ITGA4: variants seen among roughly 807,000 people sequenced by gnomAD.
ITGA4 encodes the protein integrin alpha-4.
A neutral mutation model predicts 133.6 loss-of-function variants in ITGA4; 63 were observed. The ratio of observed to expected loss-of-function variants is 0.47; its 90% CI spans 0.38 to 0.58. The LOEUF is 0.58. Ranked by LOEUF, ITGA4 falls within the 20% of genes least tolerant of loss-of-function variation. The pLI is 0.00. For synonymous variants in ITGA4, 483 were observed against 438.0 expected (o/e 1.10, Z -1.28); for missense variants, 1,076 against 1,252.7 (o/e 0.86, Z 2.13).
chr2:181,503,536 C>T (rs1177054561), intron 15 of ITGA4, among the ~76,000 whole-genome samples: 3 of 138,700 alleles, frequency 2.2e-5, no homozygotes, highest in Non-Finnish European at 4.6e-5. Flanking sequence ...ATTTGTTCCT[C>T]ATAAAATAAG....
Position 181,514,616 on chromosome 2 carries a change from G to A in ITGA4, c.1922+2841G>A, listed in dbSNP as rs529671926. ...TCTTCCTAAACCGCTTAATTATCTT[G>A]GTGTTTTTACCCTCATGGGCCTTTG... On this transcript the variant is annotated intron_variant, in intron 17 of 27. Coordinates refer to ENST00000397033, the MANE Select transcript of ITGA4 (RefSeq NM_000885.6). 2.1e-5 allele frequency among the ~76,000 whole-genome samples: 3 copies of A among 140,780 alleles called. No individual in the cohort carries two copies. The South Asian group carries it at 6.4e-4, about 30-fold the overall frequency. 92.4% of individuals were successfully genotyped at this position (140,780 alleles called of 152,430 possible).
At position 181,498,767 on chromosome 2, in the gene ITGA4, C is replaced by G; in HGVS notation, c.1685C>G (p.Ala562Gly). The G allele has an allele frequency of 1.9e-6, 3 of 1,597,016 alleles. No individual in the cohort carries two copies. The highest frequency in any genetic ancestry group is 2.6e-6 in the Non-Finnish European group (3 of 1,172,892). ...SREANCRTHQAFMRKDVRDIL... is the reference protein window; with the variant it reads ...SREANCRTHQGFMRKDVRDIL... The stretch of plus-strand genomic sequence containing the variant: ...GAAGCTAACTGTAGAACACATCAAG[C>G]ATTTATGCGGGTAATGTAAGCTATT... The change falls in exon 15 of 28, where the codon GCA (alanine) becomes GGA (glycine). Residue 562 changes from alanine (A) to glycine (G), a missense_variant. By Grantham distance (60) the Ala-to-Gly change is moderately conservative. This residue lies in a region of ITGA4 where 365 missense variants were observed against 421.4 expected (regional missense o/e 0.87). Coordinates refer to ENST00000397033, the MANE Select transcript of ITGA4 (RefSeq NM_000885.6).
chr2:181,527,681 T>A (rs1039880653), intron 22 of ITGA4, among the ~76,000 whole-genome samples: 2 of 152,040 alleles, frequency 1.3e-5, no homozygotes, highest in Admixed American at 1.3e-4. Context: ...CTGAATTTGC[T>A]AGAGACACAT....
chr2:181,482,651 G>A lies in ITGA4; in HGVS notation c.1041G>A (p.Ser347=), dbSNP rs202219721. ...TGTTTGTGTACATCAACTCTGGCTC[G>A]GTATGTCCAAGTGCCCCAACTGGAA... ...GRVFVYINSG[S]GAVMNAMETN... Residue 347 remains serine, a splice_region_variant and synonymous_variant, in exon 9 of 28, where the codon TCG becomes TCA. Coordinates refer to ENST00000397033, the MANE Select transcript of ITGA4 (RefSeq NM_000885.6). 1.2e-5 allele frequency: 20 copies of A among 1,612,890 alleles called. No individual in the cohort carries two copies. The highest frequency in any genetic ancestry group is 3.3e-4 in the Middle Eastern group (2 of 6,074).
chr2:181,527,504 G>C, intron 22 of ITGA4, 117 bp downstream of exon 22: 1 of 670,120 alleles, frequency 1.5e-6, no homozygotes, highest in Non-Finnish European at 2.7e-6. Flanking sequence ...ACCACAGCTG[G>C]CTGGAATGGG....
chr2:181,498,481 T>C, intron 14 of ITGA4, 142 bp from the exon 15 acceptor site: 1 of 442,230 alleles, frequency 2.3e-6, no homozygotes, highest in South Asian at 7.2e-5. Flanking sequence ...TATTTCAGGT[T>C]AGTCTTTAAA....
intron 2 of ITGA4, among the ~76,000 whole-genome samples, chr2:181,460,732 T>A (rs1390574687): frequency 2.0e-5 from 3 of 152,200 alleles, no homozygotes; most frequent in African/African-American, 7.2e-5. Context: ...TATTGTTTAC[T>A]TAAATCTATT....
intron 2 of ITGA4, among the ~76,000 whole-genome samples, chr2:181,461,546 C>T (rs1476667137): frequency 3.3e-5 from 5 of 151,978 alleles, no homozygotes; most frequent in Admixed American, 3.3e-4. Flanking sequence ...TTAATCACAG[C>T]TGGTTCCTAA....
chr2:181,469,713 C>T (rs1047405389), intron 2 of ITGA4, among the ~76,000 whole-genome samples: 2 of 152,152 alleles, frequency 1.3e-5, no homozygotes, highest in African/African-American at 4.8e-5. Context: ...GGCACATATA[C>T]ACCATGAAAT....
intron 17 of ITGA4, among the ~76,000 whole-genome samples, 186 bp downstream of exon 17, chr2:181,511,961 A>G (rs1484014770): frequency 6.6e-6 from 1 of 152,128 alleles, no homozygotes; most frequent in Non-Finnish European, 1.5e-5. Flanking sequence ...AGACTGATAT[A>G]TAATCCAAGT....
chr2:181,498,525 T>G, intron 14 of ITGA4, 98 bp from the exon 15 acceptor site: 1 of 598,456 alleles, frequency 1.7e-6, no homozygotes, highest in South Asian at 3.8e-5. Context: ...CAGATATTAT[T>G]TCCAGTAGTC....
At chr2:181,485,569 G>C (rs1685896323) in intron 9 of ITGA4, among the ~76,000 whole-genome samples, 1 of 152,138 alleles carries the variant, frequency 6.6e-6, no homozygotes, top group African/African-American at 2.4e-5. Context: ...TGCACAGTGT[G>C]TTGTCTTTAG....
At chr2:181,463,847 A>G (rs1685348291) in intron 2 of ITGA4, among the ~76,000 whole-genome samples, 2 of 152,144 alleles carry the variant, frequency 1.3e-5, no homozygotes, top group Admixed American at 1.3e-4. Flanking sequence ...TCTGGGGTAA[A>G]TAGATCAAAT....
chr2:181,489,927 T>C (rs745488214), intron 10 of ITGA4, among the ~76,000 whole-genome samples: 4 of 152,092 alleles, frequency 2.6e-5, no homozygotes, highest in Non-Finnish European at 5.9e-5. Context: ...TCGGCAAGAC[T>C]CCTGTCTCAA....
At position 181,538,192 on chromosome 2, in the gene ITGA4, G is replaced by GAATC. The variant is rs1559065841; in HGVS notation, c.*2667_*2670dup. On this transcript the variant is annotated 3_prime_UTR_variant, in exon 28 of 28. Coordinates refer to ENST00000397033, the MANE Select transcript of ITGA4 (RefSeq NM_000885.6). Reference sequence around the variant, plus strand: ...TTAGAAACAATTACATGTTACTTTGGAATCATTTCTTCCATGCTTCCTCCA... The same window carrying GAATC: ...TTAGAAACAATTACATGTTACTTTGGAATCAATCATTTCTTCCATGCTTCCTCCA... 6.4e-7 allele frequency: 1 copy of GAATC among 1,571,962 alleles called. No homozygotes were observed. Among genetic ancestry groups the GAATC allele is most frequent in the South Asian group, 1.1e-5 (1 of 90,118 alleles).
Position 181,529,530 on chromosome 2 carries a change from C to T in ITGA4, c.2431-11C>T. ...CATTTAATTTGTTAAAAAATTTTTC[C>T]TTCTTATCAGGTTATCAACACTGGC... On this transcript the variant is annotated splice_polypyrimidine_tract_variant and intron_variant, in intron 22 of 27. Coordinates refer to ENST00000397033, the MANE Select transcript of ITGA4 (RefSeq NM_000885.6). 2.1e-6 allele frequency: 3 copies of T among 1,454,654 alleles called. No individual in the cohort carries two copies. Among genetic ancestry groups the T allele is most frequent in the South Asian group, 1.2e-5 (1 of 84,048 alleles). 90.1% of individuals were successfully genotyped at this position (1,454,654 alleles called of 1,614,324 possible). A position where few individuals can be genotyped will look rare whatever the true frequency, so the allele number is the denominator to read the frequency against.
At chr2:181,520,422 G>A (rs1336686846) in intron 17 of ITGA4, among the ~76,000 whole-genome samples, 1 of 151,922 alleles carries the variant, frequency 6.6e-6, no homozygotes, top group African/African-American at 2.4e-5. Context: ...TCATGCTAAG[G>A]AGTTGGAACT....
At chr2:181,505,615 A>T (rs1686377321) in intron 15 of ITGA4, among the ~76,000 whole-genome samples, 1 of 152,244 alleles carries the variant, frequency 6.6e-6, no homozygotes, top group African/African-American at 2.4e-5. Flanking sequence ...TTGATATTAC[A>T]GCTTTTGTCC....
intron 21 of ITGA4, 82 bp from the exon 22 acceptor site, chr2:181,527,215 A>G (rs1011441774): frequency 2.7e-5 from 21 of 780,266 alleles, no homozygotes; most frequent in African/African-American, 2.6e-4. Context: ...TAAATATGCT[A>G]TAATCCAGAC....
Sources: gnomAD v4.1 joint callset for allele counts (sites outside exome capture counted in the v4.1 genomes callset) on GRCh38, gnomAD v4.1.1 for gene constraint, gnomAD v4.1.1 regional missense constraint, MANE v1.5 for transcripts, NCBI Gene and HGNC (gene_info 2026-07-23, HGNC 2026-07-21) for gene names.